Variants in LHFPL2 observed in about 807,000 individuals in gnomAD.
The protein encoded by LHFPL2 is LHFPL tetraspan subfamily member 2, also known as LHFPL tetraspan subfamily member 2 protein.
A neutral mutation model predicts 17.5 loss-of-function variants in LHFPL2; 7 were observed. The ratio of observed to expected loss-of-function variants is 0.40; its 90% CI spans 0.23 to 0.75. The LOEUF (loss-of-function observed/expected upper bound fraction) is 0.75. Among genes scored for constraint, LHFPL2 ranks in the 30% least tolerant of loss-of-function variants. The pLI, the probability that LHFPL2 is intolerant of heterozygous loss-of-function variation, is 0.37. For missense variants in LHFPL2, 241 were observed against 294.8 expected (o/e 0.82, Z 1.34); for synonymous variants, 134 against 116.2 (o/e 1.15, Z -0.99).
intron 3 of LHFPL2, among the ~76,000 whole-genome samples, chr5:78,546,339 C>A (rs1580795334): frequency 1.3e-5 from 2 of 152,206 alleles, no homozygotes; most frequent in South Asian, 4.1e-4. Context: ...TGAGGCACTC[C>A]ACTCACTAAA....
chr5:78,641,166 G>A (rs539222812), intron 1 of LHFPL2, among the ~76,000 whole-genome samples: 12 of 152,302 alleles, frequency 7.9e-5, no homozygotes, highest in Non-Finnish European at 1.3e-4. Flanking sequence ...AAGGGTTCCT[G>A]GGAATCTGTG....
intron 2 of LHFPL2, among the ~76,000 whole-genome samples, chr5:78,579,840 G>C (rs1404523396): frequency 6.6e-6 from 1 of 152,068 alleles, no homozygotes; most frequent in African/African-American, 2.4e-5. Context: ...ATGATTTATA[G>C]TCTTTTGGGT....
chr5:78,536,546 T>C (rs962981118), intron 3 of LHFPL2, among the ~76,000 whole-genome samples: 3 of 152,176 alleles, frequency 2.0e-5, no homozygotes, highest in Non-Finnish European at 4.4e-5. Flanking sequence ...CTCATGAAAA[T>C]TTTAAATGAC....
In LHFPL2 at chr5:78,513,572, C is replaced by T. The variant is rs1361785967; in HGVS notation, c.-185-3174G>A. Among the ~76,000 whole-genome samples, 6 of 152,118 alleles carry T rather than the reference C, an allele frequency of 3.9e-5. 1 individual carries two copies. Among genetic ancestry groups the T allele is most frequent in the Non-Finnish European group, 5.9e-5 (4 of 68,036 alleles). On this transcript the variant is annotated intron_variant, in intron 3 of 4. Transcript: ENST00000380345. ...GGTGGTGATATGGTTTAGCTGTGTC[C>T]GCACCCAAATCTCATCTTGAATTGT...
At chr5:78,569,757 AGTGG>A (rs1210504643) in intron 2 of LHFPL2, among the ~76,000 whole-genome samples, 1 of 152,186 alleles carries the variant, frequency 6.6e-6, no homozygotes, top group Non-Finnish European at 1.5e-5. Flanking sequence ...ACTCAACCAC[AGTGG>A]TGAAAGACTG....
chr5:78,599,460 C>T (rs978080255), intron 2 of LHFPL2, among the ~76,000 whole-genome samples: 3 of 142,834 alleles, frequency 2.1e-5, no homozygotes, highest in Non-Finnish European at 3.1e-5. Context: ...CCATCATGCC[C>T]GGCTAATTTT....
chr5:78,515,494 C>CCCA (rs1755265561), intron 3 of LHFPL2, among the ~76,000 whole-genome samples: 1 of 152,174 alleles, frequency 6.6e-6, no homozygotes. Context: ...ACACATGAAT[C>CCCA]CCACAAGGGT....
chr5:78,611,252 G>A (rs1744414643), intron 2 of LHFPL2, among the ~76,000 whole-genome samples: 3 of 152,220 alleles, frequency 2.0e-5, no homozygotes, highest in Admixed American at 2.0e-4. Context: ...GCTGTGAACT[G>A]TGGCCCAACT....
intron 2 of LHFPL2, among the ~76,000 whole-genome samples, chr5:78,576,566 G>A (rs1757142780): frequency 1.3e-5 from 2 of 152,150 alleles, no homozygotes; most frequent in African/African-American, 4.8e-5. Context: ...TATGCTGTAG[G>A]CGTCTGAACT....
At chr5:78,555,333 C>G (rs1756543411) in intron 3 of LHFPL2, among the ~76,000 whole-genome samples, 1 of 152,170 alleles carries the variant, frequency 6.6e-6, no homozygotes, top group Non-Finnish European at 1.5e-5. Flanking sequence ...AAAATAGATT[C>G]CATTAAAGTA....
At chr5:78,583,518 A>G (rs1414140401) in intron 2 of LHFPL2, among the ~76,000 whole-genome samples, 6 of 150,104 alleles carry the variant, frequency 4.0e-5, no homozygotes, top group African/African-American at 1.5e-4. Flanking sequence ...TCTGTAAAGT[A>G]TTTTATTTCT....
At position 78,547,645 on chromosome 5, in the gene LHFPL2, C is replaced by T. The variant is rs139637070; in HGVS notation, c.-186+17168G>A. Among the ~76,000 whole-genome samples, 82 of 152,200 alleles carry T rather than the reference C, an allele frequency of 5.4e-4. No homozygotes were observed. In the East Asian group the frequency reaches 0.014, roughly 26 times the overall value. On this transcript the variant is annotated intron_variant, in intron 3 of 4. Transcript: ENST00000380345. Reference sequence around the variant, plus strand: ...GTGAAGTACCAGCACAGTTTCCACACGTATGAAATATTAACAGGGACAAAA... The same window carrying T: ...GTGAAGTACCAGCACAGTTTCCACATGTATGAAATATTAACAGGGACAAAA...
intron 3 of LHFPL2, among the ~76,000 whole-genome samples, chr5:78,534,050 C>G (rs1580783428): frequency 6.6e-6 from 1 of 152,204 alleles, no homozygotes; most frequent in Non-Finnish European, 1.5e-5. Context: ...GGAGACACAT[C>G]CAATCACCGA....
chr5:78,587,815 GT>G (rs1202342008), intron 2 of LHFPL2, among the ~76,000 whole-genome samples: 2 of 152,212 alleles, frequency 1.3e-5, no homozygotes, highest in African/African-American at 4.8e-5. Flanking sequence ...CCTCTTTATC[GT>G]CCCTACCACA....
intron 2 of LHFPL2, among the ~76,000 whole-genome samples, chr5:78,572,165 G>A (rs1047473706): frequency 1.3e-5 from 2 of 152,046 alleles, no homozygotes; most frequent in African/African-American, 4.8e-5. Context: ...AATATAGTTT[G>A]GAAAACTGCA....
At chr5:78,517,880 T>G (rs1755337776) in intron 3 of LHFPL2, among the ~76,000 whole-genome samples, 1 of 152,192 alleles carries the variant, frequency 6.6e-6, no homozygotes, top group Non-Finnish European at 1.5e-5. Context: ...AAAGCCCACT[T>G]GCGTATTTTA....
At chr5:78,491,842 C>T (rs1463150555) in intron 4 of LHFPL2, among the ~76,000 whole-genome samples, 1 of 152,170 alleles carries the variant, frequency 6.6e-6, no homozygotes, top group Non-Finnish European at 1.5e-5. Flanking sequence ...AGAAGCAGAT[C>T]AGCTCATTGT....
intron 2 of LHFPL2, among the ~76,000 whole-genome samples, chr5:78,580,094 G>A (rs1425789180): frequency 6.6e-6 from 1 of 152,166 alleles, no homozygotes; most frequent in African/African-American, 2.4e-5. Flanking sequence ...TTTCTCTGAT[G>A]GCCAGTGATG....
At chr5:78,581,203 G>A (rs191371734) in intron 2 of LHFPL2, among the ~76,000 whole-genome samples, 8 of 152,112 alleles carry the variant, frequency 5.3e-5, no homozygotes, top group Admixed American at 5.2e-4. Context: ...ATTGACGATG[G>A]GGTTTTCTAG....
Sources: gnomAD v4.1 joint callset for allele counts (sites outside exome capture counted in the v4.1 genomes callset) on GRCh38, gnomAD v4.1.1 for gene constraint, MANE v1.5 for transcripts, NCBI Gene and HGNC (gene_info 2026-07-23, HGNC 2026-07-21) for gene names.